The following LRRC75A variants were observed in gnomAD, a reference collection of about 807,000 sequenced individuals.
LRRC75A encodes leucine-rich repeat-containing protein 75A.
A neutral mutation model predicts 26.0 loss-of-function variants in LRRC75A; 12 were observed. That is an observed-to-expected ratio of 0.46 (90% confidence interval 0.30 to 0.75). The LOEUF is 0.75. LRRC75A is among the 30% of genes least tolerant of loss of function. LRRC75A has a pLI of 0.08. For missense variants in LRRC75A, 410 were observed against 486.6 expected, an observed-to-expected ratio of 0.84 and a Z score of 1.48; for synonymous variants, 223 against 219.3, an observed-to-expected ratio of 1.02 and a Z score of -0.15.
intron 2 of LRRC75A, among the ~76,000 whole-genome samples, chr17:16,452,732 C>G (rs2093643200): frequency 6.6e-6 from 1 of 152,072 alleles, no homozygotes; most frequent in South Asian, 2.1e-4. Context: ...CCCTGCCTGG[C>G]CACACGGGGA....
Position 16,447,852 on chromosome 17 carries a change from G to A in LRRC75A, c.484C>T (p.Gln162Ter). 6.5e-7 allele frequency: 1 copy of A among 1,545,798 alleles called. No homozygotes were observed. Among genetic ancestry groups the A allele is most frequent in the Non-Finnish European group, 8.7e-7 (1 of 1,144,414 alleles). Residue 162 changes from glutamine to a stop codon, truncating the protein, a stop_gained, in exon 3 of 4, where the codon CAG (glutamine) becomes TAG (stop). Transcript: ENST00000470794. LOFTEE classifies it high-confidence loss of function. ...RHRGLVKRKP[Q>*]ACLKAVLAGS... ...CGGGGGAGTGTAACTCACCAGGCCT[G>A]TGGCTTCCTTTTCACCAGCCCCCGG...
At chr17:16,467,577 T>G (rs1461171246) in intron 1 of LRRC75A, among the ~76,000 whole-genome samples, 1 of 152,230 alleles carries the variant, frequency 6.6e-6, no homozygotes, top group African/African-American at 2.4e-5. Context: ...TTCCTTCATG[T>G]TGATGACACA....
At chr17:16,483,107 A>C (rs984436783) in intron 1 of LRRC75A, among the ~76,000 whole-genome samples, 1 of 152,222 alleles carries the variant, frequency 6.6e-6, no homozygotes, top group Non-Finnish European at 1.5e-5. Context: ...CACAGTAGGC[A>C]GAAAGGTGGC....
intron 1 of LRRC75A, among the ~76,000 whole-genome samples, chr17:16,486,773 A>G (rs2093847997): frequency 6.6e-6 from 1 of 152,204 alleles, no homozygotes; most frequent in African/African-American, 2.4e-5. Flanking sequence ...CCCTGTGGAC[A>G]TCACTCCCAG....
At chr17:16,488,366 A>C (rs975856574) in intron 1 of LRRC75A, among the ~76,000 whole-genome samples, 4 of 152,238 alleles carry the variant, frequency 2.6e-5, no homozygotes, top group African/African-American at 9.6e-5. Flanking sequence ...CTGGCCAGGT[A>C]GATGGAATCC....
At chr17:16,467,022 T>C (rs867862052) in intron 1 of LRRC75A, among the ~76,000 whole-genome samples, 11 of 152,244 alleles carry the variant, frequency 7.2e-5, no homozygotes, top group Non-Finnish European at 1.3e-4. Context: ...GCAAGTCTGA[T>C]AGCCGTCTTC....
chr17:16,485,671 C>CGTGT lies in LRRC75A; in HGVS notation c.246+6070_246+6073dup, dbSNP rs139508916. On this transcript the variant is annotated intron_variant, in intron 1 of 3. Coordinates refer to ENST00000470794, the MANE Select transcript of LRRC75A (RefSeq NM_001113567.3). ...GTGTGTGTGTGTGTGTGTGTGTGTT[C>CGTGT]GTGTGTGTGTGTGTGTGTGTGTATG... Among the ~76,000 whole-genome samples, 68 of 124,398 alleles carry CGTGT rather than the reference C, an allele frequency of 5.5e-4. 2 individuals are homozygous for CGTGT. The highest frequency in any genetic ancestry group is 2.1e-3 in the Admixed American group (26 of 12,344). The allele number at this position is 124,398 out of a possible 152,430, so 81.6% of individuals were successfully genotyped here. A position where few individuals can be genotyped will look rare whatever the true frequency, so the allele number is the denominator to read the frequency against.
rs537793254 is a variant in LRRC75A at position 16,441,599 on chromosome 17, A to G, written c.*1989T>C. ...GGGTTTTTTTTTTTTTTTTTGAGAC[A>G]GTCTTGCTGTATTGCCCAGGCTGGA... is the stretch of plus-strand genomic sequence containing the variant. On this transcript the variant is annotated 3_prime_UTR_variant, in exon 4 of 4. Coordinates refer to ENST00000470794, the MANE Select transcript of LRRC75A (RefSeq NM_001113567.3). The G allele has an allele frequency of 2.8e-6, 1 of 351,186 alleles. No individual in the cohort carries two copies. Among genetic ancestry groups the G allele is most frequent in the South Asian group, 2.1e-5 (1 of 46,598 alleles). The allele number at this position is 351,186 out of a possible 1,614,324, so 21.8% of individuals were successfully genotyped here.
At chr17:16,469,160 T>C (rs1266299800) in intron 1 of LRRC75A, among the ~76,000 whole-genome samples, 1 of 152,238 alleles carries the variant, frequency 6.6e-6, no homozygotes, top group Non-Finnish European at 1.5e-5. Context: ...TACACTTTCA[T>C]CCAGGGTTTC....
intron 1 of LRRC75A, among the ~76,000 whole-genome samples, chr17:16,486,650 G>A (rs1371134904): frequency 2.0e-5 from 3 of 152,220 alleles, no homozygotes; most frequent in African/African-American, 7.2e-5. Context: ...CCTCGGCAGA[G>A]GCCCCAGACT....
Position 16,441,663 on chromosome 17 carries a change from A to T in LRRC75A, c.*1925T>A, listed in dbSNP as rs2093526129. The stretch of plus-strand genomic sequence containing the variant: ...ATCACAGCTCATTGCATCCTCAATC[A>T]CCCAGGCCTAAGCAATCCTCCCACC... On this transcript the variant is annotated 3_prime_UTR_variant, in exon 4 of 4. Coordinates refer to ENST00000470794, the MANE Select transcript of LRRC75A (RefSeq NM_001113567.3). 1 of 327,552 alleles carries T rather than the reference A, an allele frequency of 3.1e-6. No homozygotes were observed. Among genetic ancestry groups the T allele is most frequent in the South Asian group, 2.4e-5 (1 of 42,228 alleles). The allele number at this position is 327,552 out of a possible 1,614,324, so 20.3% of individuals were successfully genotyped here.
In LRRC75A at chr17:16,443,492, T is replaced by C; in HGVS notation, c.*96A>G. ...GGTGGCCCAGGCCAATTTTTGGCAA[T>C]ATCCTTAACCCACCTGATAGGAGAA... On this transcript the variant is annotated 3_prime_UTR_variant, in exon 4 of 4. Coordinates refer to ENST00000470794, the MANE Select transcript of LRRC75A (RefSeq NM_001113567.3). 8.2e-7 allele frequency: 1 copy of C among 1,225,288 alleles called. No homozygotes were observed. The highest frequency in any genetic ancestry group is 1.7e-5 in the South Asian group (1 of 58,878). 75.9% of individuals were successfully genotyped at this position (1,225,288 alleles called of 1,614,324 possible). A position where few individuals can be genotyped will look rare whatever the true frequency, so the allele number is the denominator to read the frequency against.
At chr17:16,453,281 T>C (rs1046610775) in intron 2 of LRRC75A, among the ~76,000 whole-genome samples, 13 of 151,648 alleles carry the variant, frequency 8.6e-5, no homozygotes, top group African/African-American at 2.9e-4. Context: ...AGAGTGGGAC[T>C]GGTGTGGGAC....
At chr17:16,465,456 G>A (rs1191076031) in intron 1 of LRRC75A, among the ~76,000 whole-genome samples, 1 of 152,358 alleles carries the variant, frequency 6.6e-6, no homozygotes, top group East Asian at 1.9e-4. Context: ...CGGTAGACGA[G>A]AGAGGTGAGA....
At chr17:16,485,120 C>T (rs1014493223) in intron 1 of LRRC75A, among the ~76,000 whole-genome samples, 9 of 152,084 alleles carry the variant, frequency 5.9e-5, no homozygotes, top group Non-Finnish European at 1.2e-4. Flanking sequence ...AACACCCAGC[C>T]CTTCTAGTAA....
At chr17:16,451,063 C>T (rs952579836) in intron 2 of LRRC75A, among the ~76,000 whole-genome samples, 1 of 152,092 alleles carries the variant, frequency 6.6e-6, no homozygotes, top group Non-Finnish European at 1.5e-5. Context: ...GGGCTCAAGA[C>T]AGGTCCAGGC....
At chr17:16,464,645 T>C (rs1041556870) in intron 1 of LRRC75A, among the ~76,000 whole-genome samples, 3 of 152,152 alleles carry the variant, frequency 2.0e-5, no homozygotes, top group Admixed American at 2.0e-4. Context: ...ACAGACCCAA[T>C]TGAGAATGTG....
At chr17:16,450,217 G>A (rs2093619893) in intron 2 of LRRC75A, among the ~76,000 whole-genome samples, 1 of 152,250 alleles carries the variant, frequency 6.6e-6, no homozygotes, top group African/African-American at 2.4e-5. Flanking sequence ...GGGAGCCTGA[G>A]GCCCAGAGGG....
rs537067264 is a variant in LRRC75A at position 16,485,130 on chromosome 17, A to T, written c.246+6615T>A. 2.6e-5 allele frequency among the ~76,000 whole-genome samples: 4 copies of T among 152,130 alleles called. No individual in the cohort carries two copies. The South Asian group carries it at 8.3e-4, about 32-fold the overall frequency. The stretch of plus-strand genomic sequence containing the variant: ...TTCAGAACACCCAGCCCTTCTAGTA[A>T]TGGTGAGTCCAAGACGCAGCAACCA... On this transcript the variant is annotated intron_variant, in intron 1 of 3. Coordinates refer to ENST00000470794, the MANE Select transcript of LRRC75A (RefSeq NM_001113567.3).
Sources: gnomAD v4.1 joint callset for allele counts (sites outside exome capture counted in the v4.1 genomes callset) on GRCh38, gnomAD v4.1.1 for gene constraint, MANE v1.5 for transcripts, NCBI Gene and HGNC (gene_info 2026-07-23, HGNC 2026-07-21) for gene names.